The following REELD1 variants were observed in gnomAD, a reference collection of about 807,000 sequenced individuals.
REELD1 encodes reelin domain-containing protein 1.
Under a neutral mutation model 6.3 loss-of-function variants are expected in REELD1, and 12 were observed. The observed-to-expected ratio is 1.89, with a 90% CI of 1.21 to 3.07. The LOEUF (loss-of-function observed/expected upper bound fraction) is 3.07. Ranked by LOEUF, REELD1 falls within the 30% of genes most tolerant of loss-of-function variation. The pLI, the probability that REELD1 is intolerant of heterozygous loss-of-function variation, is 0.00. For synonymous variants in REELD1, 57 were observed against 33.6 expected (o/e 1.70, Z -2.42); for missense variants, 163 against 86.8 (o/e 1.88, Z -3.49).
intron 3 of REELD1, 30 bp from the exon 4 acceptor site, chr4:146,222,327 G>A (rs769847659): frequency 4.0e-5 from 16 of 398,468 alleles, no homozygotes; most frequent in Non-Finnish European, 5.8e-5. Flanking sequence ...AGTCACACGT[G>A]TTCATGTTGA....
At position 146,222,339 on chromosome 4, in the gene REELD1, C is replaced by T. The variant is rs145058658; in HGVS notation, c.209-18C>T. Reference sequence around the variant, plus strand: ...CTAAGTCACACGTGTTCATGTTGAACGGGTGTTTTTGTTGCAGTGACAGTG... The same window carrying T: ...CTAAGTCACACGTGTTCATGTTGAATGGGTGTTTTTGTTGCAGTGACAGTG... On this transcript the variant is annotated intron_variant, in intron 3 of 7. Transcript: ENST00000623665. 7.8e-4 allele frequency: 310 copies of T among 398,542 alleles called. 1 individual carries two copies. The highest frequency in any genetic ancestry group is 5.6e-3 in the East Asian group (158 of 28,078). 24.7% of individuals were successfully genotyped at this position (398,542 alleles called of 1,614,324 possible).
chr4:146,229,969 A>G lies in REELD1; in HGVS notation c.1037A>G (p.Tyr346Cys), dbSNP rs1731098282. The change falls in exon 8 of 8, where the codon TAT (tyrosine) becomes TGT (cysteine). Residue 346 changes from tyrosine to cysteine, a missense_variant. Transcript: ENST00000623665. ...CCTCTGTCCACCGTCCAGCTTACCT[A>G]TCCCCAGTGCCTCTGGTCCTCTGAA... is the stretch of plus-strand genomic sequence containing the variant. ...QPPLSTVQLT[Y>C]PQCLWSSETF... 2.5e-6 allele frequency: 1 copy of G among 398,522 alleles called. No individual in the cohort carries two copies. The highest frequency in any genetic ancestry group is 2.1e-5 in the African/African-American group (1 of 48,618). 24.7% of individuals were successfully genotyped at this position (398,522 alleles called of 1,614,324 possible).
intron 3 of REELD1, among the ~76,000 whole-genome samples, chr4:146,221,231 A>G (rs1460559235): frequency 6.6e-6 from 1 of 152,150 alleles, no homozygotes; most frequent in Non-Finnish European, 1.5e-5. Context: ...GATAACTTTA[A>G]ATCTTCTTTC....
rs1187340580 is a variant in REELD1, at chr4:146,222,550, A to T, written c.402A>T (p.Pro134=). 2.5e-6 allele frequency: 1 copy of T among 398,542 alleles called. No homozygotes were observed. Among genetic ancestry groups the T allele is most frequent in the African/African-American group, 2.1e-5 (1 of 48,638 alleles). 24.7% of individuals were successfully genotyped at this position (398,542 alleles called of 1,614,324 possible). Residue 134 remains proline (P), a synonymous_variant, in exon 4 of 8, where the codon CCA becomes CCT. Transcript: ENST00000623665. The stretch of plus-strand genomic sequence containing the variant: ...ACCTGTCATTCGTGTGGAAGGCCCC[A>T]GCCCAGCCTGTGGGGGACATTAAGT... ...KRNLSFVWKA[P]AQPVGDIKFL... is the part of the protein sequence containing the mutation.
In REELD1 at chr4:146,228,223, C is replaced by T. The variant is rs1175847135; in HGVS notation, c.609C>T (p.Pro203=). The change falls in exon 6 of 8, where the codon CCC becomes CCT. Residue 203 remains proline, a synonymous_variant. Coordinates refer to ENST00000623665, the MANE Select transcript of REELD1 (RefSeq NM_001354631.1). Reference sequence around the variant, plus strand: ...ACCTCTGCTTAGCTCCCAGGACCCCCATCACTCTTCCACAGCAGCACACAC... The same window carrying T: ...ACCTCTGCTTAGCTCCCAGGACCCCTATCACTCTTCCACAGCAGCACACAC... ...VEGAAPAPRT[P]ITLPQQHTHV... is the part of the protein sequence containing the mutation. 1 of 702,156 alleles carries T rather than the reference C, an allele frequency of 1.4e-6. No homozygotes were observed. The highest frequency in any genetic ancestry group is 1.5e-5 in the South Asian group (1 of 67,562). 43.5% of individuals were successfully genotyped at this position (702,156 alleles called of 1,614,324 possible). A position where few individuals can be genotyped will look rare whatever the true frequency, so the allele number is the denominator to read the frequency against.
chr4:146,223,639 A>G (rs1045710326), intron 4 of REELD1, among the ~76,000 whole-genome samples: 1 of 152,206 alleles, frequency 6.6e-6, no homozygotes, highest in Non-Finnish European at 1.5e-5. Flanking sequence ...AGAAGCTATG[A>G]TCTCCATTTG....
chr4:146,225,084 G>A (rs1301291879), intron 5 of REELD1, among the ~76,000 whole-genome samples: 1 of 152,148 alleles, frequency 6.6e-6, no homozygotes, highest in Non-Finnish European at 1.5e-5. Flanking sequence ...TGCAACCTGG[G>A]TTGGAGAACA....
At chr4:146,227,444 C>G (rs1197769216) in intron 5 of REELD1, among the ~76,000 whole-genome samples, 1 of 152,154 alleles carries the variant, frequency 6.6e-6, no homozygotes, top group Admixed American at 6.5e-5. Context: ...TGTGGTAAAC[C>G]CTCTGTGCAT....
intron 3 of REELD1, among the ~76,000 whole-genome samples, chr4:146,221,635 C>T (rs371320430): frequency 2.6e-5 from 4 of 152,140 alleles, no homozygotes; most frequent in East Asian, 1.9e-4. Context: ...CCGAGGAGGG[C>T]GGATCACAAG....
At chr4:146,220,066 C>A (rs1054976929) in intron 3 of REELD1, among the ~76,000 whole-genome samples, 31 of 152,172 alleles carry the variant, frequency 2.0e-4, no homozygotes, top group African/African-American at 7.2e-4. Context: ...CCTCAGCCTC[C>A]CCAGTAGCTG....
At position 146,228,993 on chromosome 4, in the gene REELD1, C is replaced by T. The variant is rs56954189; in HGVS notation, c.909-32C>T. 3.7e-3 allele frequency: 2,603 copies of T among 701,950 alleles called. 20 individuals carry two copies. Among genetic ancestry groups the T allele is most frequent in the Middle Eastern group, 0.029 (127 of 4,368 alleles). 43.5% of individuals were successfully genotyped at this position (701,950 alleles called of 1,614,324 possible). A position where few individuals can be genotyped will look rare whatever the true frequency, so the allele number is the denominator to read the frequency against. Reference sequence around the variant, plus strand: ...TGCTTTTTGGTCCAAAACTTAATGACCTGTTTTCAGCCCTTCCATTCTTCC... The same window carrying T: ...TGCTTTTTGGTCCAAAACTTAATGATCTGTTTTCAGCCCTTCCATTCTTCC... On this transcript the variant is annotated intron_variant, in intron 6 of 7. Coordinates refer to ENST00000623665, the MANE Select transcript of REELD1 (RefSeq NM_001354631.1).
chr4:146,222,330 C>T (rs914679149), intron 3 of REELD1, 27 bp from the exon 4 acceptor site: 3 of 398,372 alleles, frequency 7.5e-6, no homozygotes, highest in Non-Finnish European at 8.8e-6. Context: ...CACACGTGTT[C>T]ATGTTGAACG....
chr4:146,229,613 TCACC>T (rs1181428796), intron 7 of REELD1, among the ~76,000 whole-genome samples: 1 of 152,160 alleles, frequency 6.6e-6, no homozygotes, highest in Non-Finnish European at 1.5e-5. Flanking sequence ...GATGATGCAA[TCACC>T]CATTGATATT....
Position 146,228,501 on chromosome 4 carries a change from C to T in REELD1, c.887C>T (p.Ser296Phe). The T allele has an allele frequency of 1.4e-6, 1 of 702,340 alleles. No individual in the cohort carries two copies. Among genetic ancestry groups the T allele is most frequent in the Non-Finnish European group, 2.6e-6 (1 of 384,950 alleles). The allele number at this position is 702,340 out of a possible 1,614,324, so 43.5% of individuals were successfully genotyped here. A position where few individuals can be genotyped will look rare whatever the true frequency, so the allele number is the denominator to read the frequency against. Residue 296 changes from serine to phenylalanine, a missense_variant, in exon 6 of 8, where the codon TCC becomes TTC. Ser to Phe is a radical substitution (Grantham distance 155). Coordinates refer to ENST00000623665, the MANE Select transcript of REELD1 (RefSeq NM_001354631.1). ...LKRVSSESFA[S>F]SLSTHHRTQD... ...AGAGTCTCCTCAGAGAGCTTTGCTTCCAGCCTTAGCACCCATCACAGGTAA... is the reference window on the plus strand; with the variant it reads ...AGAGTCTCCTCAGAGAGCTTTGCTTTCAGCCTTAGCACCCATCACAGGTAA...
rs188952393 is a variant in REELD1 at position 146,232,067 on chromosome 4, C to G, written c.*1554C>G. ...TCTAAAAGACGTTCTCCCCAAGAAGCAAACAAGGGACCCCATTAGTGGAGA... is the reference window on the plus strand; with the variant it reads ...TCTAAAAGACGTTCTCCCCAAGAAGGAAACAAGGGACCCCATTAGTGGAGA... On this transcript the variant is annotated 3_prime_UTR_variant, in exon 8 of 8. Transcript: ENST00000623665. 1.3e-5 allele frequency: 2 copies of G among 152,352 alleles called. No homozygotes were observed. The highest frequency in any genetic ancestry group is 3.9e-4 in the East Asian group (2 of 5,190). 9.4% of individuals were successfully genotyped at this position (152,352 alleles called of 1,614,324 possible). A position where few individuals can be genotyped will look rare whatever the true frequency, so the allele number is the denominator to read the frequency against.
At position 146,224,632 on chromosome 4, in the gene REELD1, C is replaced by A. The variant is rs150032611; in HGVS notation, c.595+24C>A. The A allele has an allele frequency of 9.7e-5, 68 of 701,180 alleles. No homozygotes were observed. In the East Asian group the frequency reaches 1.8e-3, roughly 19 times the overall value. 43.4% of individuals were successfully genotyped at this position (701,180 alleles called of 1,614,324 possible). A position where few individuals can be genotyped will look rare whatever the true frequency, so the allele number is the denominator to read the frequency against. On this transcript the variant is annotated intron_variant, in intron 5 of 7. Coordinates refer to ENST00000623665, the MANE Select transcript of REELD1 (RefSeq NM_001354631.1). ...AGGTACAGCTTGTCATTGTATTTGC[C>A]AGGCTGGTTGTCATCATTATTTTTA...
chr4:146,214,967 C>A (rs1297878887), intron 1 of REELD1, 109 bp from the exon 2 acceptor site: 1 of 152,216 alleles, frequency 6.6e-6, no homozygotes, highest in African/African-American at 2.4e-5. Flanking sequence ...CAGGCACTCA[C>A]TCCCCTTCCC....
At chr4:146,228,048 G>A (rs1219475143) in intron 5 of REELD1, among the ~76,000 whole-genome samples, 162 bp from the exon 6 acceptor site, 2 of 152,126 alleles carry the variant, frequency 1.3e-5, no homozygotes, top group Admixed American at 1.3e-4. Flanking sequence ...TGATCAGGCA[G>A]GTCATCTTTA....
Position 146,217,153 on chromosome 4 carries a change from G to C in REELD1, c.201G>C (p.Lys67Asn). The change falls in exon 3 of 8, where the codon AAG becomes AAC. Residue 67 changes from lysine (K) to asparagine (N), a missense_variant. By Grantham distance (94) the Lys-to-Asn change is moderately conservative. Transcript: ENST00000623665. Reference protein sequence around the residue: ...THRTSYAPGDKIPVTVRSSRD... With the variant: ...THRTSYAPGDNIPVTVRSSRD... ...GGACTTCCTATGCACCAGGTGACAA[G>C]ATTCCAGGTATGTACCAGAGAGGCT... 1 of 399,634 alleles carries C rather than the reference G, an allele frequency of 2.5e-6. No homozygotes were observed. Among genetic ancestry groups the C allele is most frequent in the Non-Finnish European group, 4.4e-6 (1 of 226,634 alleles). The allele number at this position is 399,634 out of a possible 1,614,324, so 24.8% of individuals were successfully genotyped here.
Sources: allele counts gnomAD v4.1 joint callset (sites outside exome capture counted in the v4.1 genomes callset), GRCh38; gene constraint gnomAD v4.1.1; transcripts MANE v1.5; gene names NCBI Gene and HGNC (gene_info 2026-07-23, HGNC 2026-07-21).